The following EVA1C variants were observed in gnomAD, a reference collection of about 807,000 sequenced individuals.
EVA1C encodes the protein eva-1 homolog C.
A neutral mutation model predicts 45.4 loss-of-function variants in EVA1C; 25 were observed. The ratio of observed to expected loss-of-function variants is 0.55; its 90% CI spans 0.40 to 0.77. The LOEUF (loss-of-function observed/expected upper bound fraction) is 0.77. EVA1C is among the 30% of genes least tolerant of loss of function. The pLI, the probability that EVA1C is intolerant of heterozygous loss-of-function variation, is 0.00. For missense variants in EVA1C, 479 were observed against 554.8 expected (o/e 0.86, Z 1.37); for synonymous variants, 190 against 221.2 (o/e 0.86, Z 1.25).
intron 4 of EVA1C, among the ~76,000 whole-genome samples, chr21:32,494,147 C>T (rs2037262576): frequency 6.6e-6 from 1 of 152,160 alleles, no homozygotes; most frequent in Non-Finnish European, 1.5e-5. Context: ...GTGCCTCATC[C>T]ACCATAGGTG....
intron 7 of EVA1C, among the ~76,000 whole-genome samples, chr21:32,507,458 GTGTGTGCA>G (rs1301334550): frequency 1.3e-4 from 20 of 151,592 alleles, no homozygotes; most frequent in East Asian, 5.8e-4. Flanking sequence ...ATGCGTGTGC[GTGTGTGCA>G]TGTGTGCATG....
intron 1 of EVA1C, among the ~76,000 whole-genome samples, chr21:32,440,833 G>T (rs1568884729): frequency 6.6e-6 from 1 of 152,188 alleles, no homozygotes; most frequent in Non-Finnish European, 1.5e-5. Context: ...AGGCGCAGTG[G>T]CTCACACCTG....
At chr21:32,468,176 C>T (rs1365829288) in intron 4 of EVA1C, 1 of 153,180 alleles carries the variant, frequency 6.5e-6, no homozygotes, top group African/African-American at 2.4e-5. Flanking sequence ...TCAAGACCAG[C>T]CTGGCCAACA....
chr21:32,471,371 G>A lies in EVA1C; in HGVS notation c.634+3523G>A, dbSNP rs575174669. Reference sequence around the variant, plus strand: ...AGACAGAGTCTCCGTCTGTCACCCAGGCTGGAGTGCAGTGGCACGATCTCG... The same window carrying A: ...AGACAGAGTCTCCGTCTGTCACCCAAGCTGGAGTGCAGTGGCACGATCTCG... On this transcript the variant is annotated intron_variant, in intron 4 of 7. Coordinates refer to ENST00000300255, the MANE Select transcript of EVA1C (RefSeq NM_058187.5). Among the ~76,000 whole-genome samples the A allele has an allele frequency of 4.0e-5, 6 of 149,116 alleles. No homozygotes were observed. In the East Asian group the frequency reaches 1.2e-3, roughly 29 times the overall value.
chr21:32,451,516 A>C (rs2035579428), intron 1 of EVA1C, among the ~76,000 whole-genome samples: 1 of 152,156 alleles, frequency 6.6e-6, no homozygotes, highest in African/African-American at 2.4e-5. Flanking sequence ...AATTCCATGG[A>C]GTCTGACTGG....
chr21:32,495,221 G>A, intron 5 of EVA1C, 51 bp downstream of exon 5: 1 of 1,596,034 alleles, frequency 6.3e-7, no homozygotes, highest in Non-Finnish European at 8.6e-7. Context: ...TCTTTTGGGG[G>A]AGGGTGGTGA....
chr21:32,491,680 T>TC (rs2037163083), intron 4 of EVA1C, among the ~76,000 whole-genome samples: 1 of 45,500 alleles, frequency 2.2e-5, no homozygotes, highest in African/African-American at 9.8e-5. Context: ...CGAGACTCTG[T>TC]CAAAAAAAAA....
chr21:32,448,259 A>G (rs2035437761), intron 1 of EVA1C, among the ~76,000 whole-genome samples: 1 of 152,216 alleles, frequency 6.6e-6, no homozygotes, highest in African/African-American at 2.4e-5. Context: ...GAGGCTGGCT[A>G]CAGAAGGCAT....
chr21:32,454,813 G>A (rs1211358025), intron 2 of EVA1C, among the ~76,000 whole-genome samples: 3 of 152,224 alleles, frequency 2.0e-5, no homozygotes, highest in African/African-American at 7.2e-5. Flanking sequence ...ATGTGATGAT[G>A]TAAGAATTTT....
chr21:32,467,918 A>G, intron 4 of EVA1C, 70 bp downstream of exon 4: 2 of 911,950 alleles, frequency 2.2e-6, no homozygotes, highest in Non-Finnish European at 2.9e-6. Flanking sequence ...ATATATATAT[A>G]TATCCTATAT....
At chr21:32,415,377 G>T (rs930163504) in intron 1 of EVA1C, among the ~76,000 whole-genome samples, 4 of 152,204 alleles carry the variant, frequency 2.6e-5, no homozygotes, top group African/African-American at 9.7e-5. Context: ...CTGTGAAGGA[G>T]GAGGGAGGAT....
Position 32,514,918 on chromosome 21 carries a change from CG to C in EVA1C, c.1055del (p.Arg352ProfsTer53). 1 of 1,614,052 alleles carries C rather than the reference CG, an allele frequency of 6.2e-7. No individual in the cohort carries two copies. The highest frequency in any genetic ancestry group is 8.5e-7 in the Non-Finnish European group (1 of 1,180,018). Reference protein sequence around the residue: ...VIRESCAKDFRDLQLGREQLV... With the variant: ...VIRESCAKDFXDLQLGREQLV... ...CAGAGAGTCCTGTGCCAAGGACTTC[CG>C]CGACTTGCAGCTGGGGAGGGAGCAG... On this transcript the variant is annotated frameshift_variant, in exon 8 of 8. Coordinates refer to ENST00000300255, the MANE Select transcript of EVA1C (RefSeq NM_058187.5). LOFTEE classifies it high-confidence loss of function.
intron 7 of EVA1C, among the ~76,000 whole-genome samples, chr21:32,512,175 G>A (rs2146478570): frequency 6.6e-6 from 1 of 152,284 alleles, no homozygotes; most frequent in Non-Finnish European, 1.5e-5. Context: ...GGGAAGCACA[G>A]GTTAGACACA....
At chr21:32,514,718 C>A in intron 7 of EVA1C, 96 bp from the exon 8 acceptor site, 2 of 1,350,862 alleles carry the variant, frequency 1.5e-6, no homozygotes, top group Non-Finnish European at 2.0e-6. Context: ...TCTTCATTAG[C>A]CCCCTGCTTG....
chr21:32,415,409 G>C (rs1204739426), intron 1 of EVA1C, among the ~76,000 whole-genome samples: 1 of 152,158 alleles, frequency 6.6e-6, no homozygotes, highest in Non-Finnish European at 1.5e-5. Context: ...GTGAAAGAAA[G>C]TGCCAGAATG....
chr21:32,443,629 A>T (rs191213332), intron 1 of EVA1C, among the ~76,000 whole-genome samples: 1 of 152,356 alleles, frequency 6.6e-6, no homozygotes, highest in East Asian at 1.9e-4. Context: ...AAAGATGCTT[A>T]TGCCCACTAT....
chr21:32,491,709 A>C (rs1467061413), intron 4 of EVA1C, among the ~76,000 whole-genome samples: 1 of 145,412 alleles, frequency 6.9e-6, no homozygotes, highest in African/African-American at 2.5e-5. Context: ...AAAAAAAAGC[A>C]CAGTGGAGGG....
intron 1 of EVA1C, among the ~76,000 whole-genome samples, chr21:32,420,252 C>CCCAG (rs1385981234): frequency 1.3e-5 from 2 of 152,192 alleles, no homozygotes; most frequent in African/African-American, 4.8e-5. Flanking sequence ...CGCCTGTAAT[C>CCCAG]CCAGCCACTC....
At chr21:32,437,823 T>A (rs1465436776) in intron 1 of EVA1C, among the ~76,000 whole-genome samples, 1 of 152,174 alleles carries the variant, frequency 6.6e-6, no homozygotes, top group Non-Finnish European at 1.5e-5. Context: ...GACTAACTTG[T>A]CCTTAAGGCC....
Sources: gnomAD v4.1 joint callset for allele counts (sites outside exome capture counted in the v4.1 genomes callset) on GRCh38, gnomAD v4.1.1 for gene constraint, MANE v1.5 for transcripts, NCBI Gene and HGNC (gene_info 2026-07-23, HGNC 2026-07-21) for gene names.